KDM4B: variants seen among roughly 807,000 people sequenced by gnomAD.
The protein encoded by KDM4B is lysine demethylase 4B.
In KDM4B, 32 loss-of-function variants were observed where a neutral mutation model predicts 125.2. The ratio of observed to expected loss-of-function variants is 0.26; its 90% CI spans 0.19 to 0.34. KDM4B has a LOEUF of 0.34. Among genes scored for constraint, KDM4B ranks in the 10% least tolerant of loss-of-function variants. The probability of loss-of-function intolerance (pLI) is 1.00; values close to 1 mark genes in which losing one functional copy is unlikely to be tolerated. For synonymous variants in KDM4B, 721 were observed against 677.9 expected (o/e 1.06, Z -0.99); for missense variants, 1,190 against 1,577.7 (o/e 0.75, Z 4.16).
At chr19:5,053,653 A>G (rs765485673) in intron 6 of KDM4B, among the ~76,000 whole-genome samples, 2 of 152,226 alleles carry the variant, frequency 1.3e-5, no homozygotes, top group African/African-American at 2.4e-5. Context: ...TCTAGCCTGC[A>G]TGAGGTTATC....
Position 5,151,810 on chromosome 19 carries a change from G to A in KDM4B, c.*299G>A. The A allele has an allele frequency of 3.1e-6, 1 of 326,884 alleles. No homozygotes were observed. The highest frequency in any genetic ancestry group is 5.5e-6 in the Non-Finnish European group (1 of 180,420). 20.2% of individuals were successfully genotyped at this position (326,884 alleles called of 1,614,324 possible). ...AGGTGCTACTGCAATGCCCTACTGAGCAACCTTTGAGATTGTCACTTCTGT... is the reference window on the plus strand; with the variant it reads ...AGGTGCTACTGCAATGCCCTACTGAACAACCTTTGAGATTGTCACTTCTGT... On this transcript the variant is annotated 3_prime_UTR_variant, in exon 23 of 23. Coordinates refer to ENST00000159111, the MANE Select transcript of KDM4B (RefSeq NM_015015.3).
intron 9 of KDM4B, among the ~76,000 whole-genome samples, chr19:5,106,281 C>T (rs1213669788): frequency 1.3e-5 from 2 of 152,296 alleles, no homozygotes; most frequent in African/African-American, 2.4e-5. Context: ...CGCGTGCAAG[C>T]GTACTTGTCT....
At chr19:5,112,575 C>G (rs1039999507) in intron 10 of KDM4B, 1 of 152,310 alleles carries the variant, frequency 6.6e-6, no homozygotes, top group African/African-American at 2.4e-5. Flanking sequence ...TGAAAAGTCA[C>G]TTCTGGTCCA....
At chr19:5,107,772 C>T (rs1322094099) in intron 9 of KDM4B, among the ~76,000 whole-genome samples, 2 of 152,198 alleles carry the variant, frequency 1.3e-5, no homozygotes, top group South Asian at 2.1e-4. Context: ...CCAGCCCTAG[C>T]GGGTTTCTCT....
chr19:4,977,094 T>A (rs2034473207), intron 1 of KDM4B, among the ~76,000 whole-genome samples: 1 of 152,176 alleles, frequency 6.6e-6, no homozygotes, highest in Non-Finnish European at 1.5e-5. Context: ...TGGCTCTTCC[T>A]CCCTTCCCTC....
chr19:5,034,759 G>C (rs17675790), intron 3 of KDM4B, among the ~76,000 whole-genome samples: 6,260 of 152,218 alleles, frequency 0.041, 193 homozygotes, highest in Non-Finnish European at 0.067. Flanking sequence ...TTATTTCTTT[G>C]TCTCTGAGCT....
At chr19:4,980,799 C>T (rs1191565586) in intron 1 of KDM4B, among the ~76,000 whole-genome samples, 1 of 152,132 alleles carries the variant, frequency 6.6e-6, no homozygotes, top group East Asian at 1.9e-4. Flanking sequence ...TTCCATTCAT[C>T]TCAGTGGGCA....
chr19:5,106,270 G>A (rs142736580), intron 9 of KDM4B, among the ~76,000 whole-genome samples: 4 of 152,326 alleles, frequency 2.6e-5, no homozygotes, highest in East Asian at 1.9e-4. Context: ...GTGTGTGCGC[G>A]CGCGTGCAAG....
Position 4,997,411 on chromosome 19 carries a change from G to A in KDM4B, c.-108-18846G>A, listed in dbSNP as rs1403048529. ...CACTGTGTCCTTCTGTGGTTCATGAGGACCTGCCATCTGGGGGCGGCGAGG... is the reference window on the plus strand; with the variant it reads ...CACTGTGTCCTTCTGTGGTTCATGAAGACCTGCCATCTGGGGGCGGCGAGG... On this transcript the variant is annotated intron_variant, in intron 1 of 22. Coordinates refer to ENST00000159111, the MANE Select transcript of KDM4B (RefSeq NM_015015.3). The surrounding 1 kb of genome is among the most constrained non-coding windows in gnomAD (Gnocchi z 4.2). Among the ~76,000 whole-genome samples, 1 of 152,084 alleles carries A rather than the reference G, an allele frequency of 6.6e-6. No homozygotes were observed. The highest frequency in any genetic ancestry group is 1.5e-5 in the Non-Finnish European group (1 of 67,998).
intron 7 of KDM4B, among the ~76,000 whole-genome samples, chr19:5,072,744 C>A (rs150857538): frequency 1.3e-5 from 2 of 152,236 alleles, no homozygotes; most frequent in Admixed American, 1.3e-4. Flanking sequence ...TATTCTCTCA[C>A]CGTTCTGGAG....
At chr19:5,102,091 T>G (rs2038947491) in intron 9 of KDM4B, among the ~76,000 whole-genome samples, 1 of 152,120 alleles carries the variant, frequency 6.6e-6, no homozygotes, top group East Asian at 1.9e-4. Flanking sequence ...CAGGGGACCC[T>G]GGGCCATGAG....
At chr19:5,005,417 C>T (rs1040458993) in intron 1 of KDM4B, among the ~76,000 whole-genome samples, 2 of 152,184 alleles carry the variant, frequency 1.3e-5, no homozygotes, top group African/African-American at 4.8e-5. Flanking sequence ...GCTGGTCAGC[C>T]TCCTGAGTGA....
At position 4,986,184 on chromosome 19, in the gene KDM4B, C is replaced by T. The variant is rs763876942; in HGVS notation, c.-109+16954C>T. Among the ~76,000 whole-genome samples the T allele has an allele frequency of 6.6e-5, 10 of 152,274 alleles. No individual in the cohort carries two copies. In the East Asian group the frequency reaches 1.2e-3, roughly 18 times the overall value. ...TCCTGATGTGCCCCGTGTGCCATGGCGCTCGCCAAGGGCCAGCATGTCTGC... is the reference window on the plus strand; with the variant it reads ...TCCTGATGTGCCCCGTGTGCCATGGTGCTCGCCAAGGGCCAGCATGTCTGC... On this transcript the variant is annotated intron_variant, in intron 1 of 22. Coordinates refer to ENST00000159111, the MANE Select transcript of KDM4B (RefSeq NM_015015.3).
chr19:5,113,328 C>T (rs533259385), intron 10 of KDM4B: 30 of 146,596 alleles, frequency 2.0e-4, no homozygotes, highest in Admixed American at 1.9e-3. Context: ...TAAAACAAGG[C>T]TGATTCACTT....
At chr19:5,017,750 A>AT (rs34547598) in intron 2 of KDM4B, among the ~76,000 whole-genome samples, 21 of 151,472 alleles carry the variant, frequency 1.4e-4, no homozygotes, top group Non-Finnish European at 2.7e-4. Flanking sequence ...ATTTATTTTT[A>AT]TTTTTTTTGA....
At chr19:5,128,520 C>T (rs1024265145) in intron 11 of KDM4B, among the ~76,000 whole-genome samples, 2 of 152,224 alleles carry the variant, frequency 1.3e-5, no homozygotes, top group Non-Finnish European at 1.5e-5. Context: ...CTATCATGGA[C>T]GAAGGAATAT....
chr19:5,135,512 G>C lies in KDM4B; in HGVS notation c.2259G>C (p.Gly753=). The stretch of plus-strand genomic sequence containing the variant: ...CCAACTCCTACATCGGCGACGACGG[G>C]ACCAGCCCCCTGATCGCCTGCGGCA... ...LPANSYIGDD[G]TSPLIACGKC... Residue 753 remains glycine (G), a synonymous_variant, in exon 15 of 23, where the codon GGG becomes GGC. Coordinates refer to ENST00000159111, the MANE Select transcript of KDM4B (RefSeq NM_015015.3). 6.2e-7 allele frequency: 1 copy of C among 1,611,034 alleles called. No homozygotes were observed.
At chr19:5,042,977 A>G (rs1458307886) in intron 5 of KDM4B, among the ~76,000 whole-genome samples, 2 of 146,958 alleles carry the variant, frequency 1.4e-5, no homozygotes, top group African/African-American at 5.0e-5. Context: ...CTGTGTCTTA[A>G]CTGTGACCGG....
At chr19:4,992,278 C>T (rs748894523) in intron 1 of KDM4B, among the ~76,000 whole-genome samples, 34 of 152,108 alleles carry the variant, frequency 2.2e-4, no homozygotes, top group South Asian at 8.3e-4. Flanking sequence ...TTTATTTTTG[C>T]TCGTTATCTT....
Sources: allele counts gnomAD v4.1 joint callset (sites outside exome capture counted in the v4.1 genomes callset), GRCh38; gene constraint gnomAD v4.1.1; non-coding constraint Gnocchi (gnomAD v3.1); transcripts MANE v1.5; gene names NCBI Gene and HGNC (gene_info 2026-07-23, HGNC 2026-07-21).